The following AGBL1 variants were observed in gnomAD, a reference collection of about 807,000 sequenced individuals.
AGBL1 encodes cytosolic carboxypeptidase 4.
Under a neutral mutation model 118.9 loss-of-function variants are expected in AGBL1, and 130 were observed. The observed-to-expected ratio is 1.09, with a 90% CI of 0.95 to 1.26. The LOEUF (loss-of-function observed/expected upper bound fraction) is 1.26, where lower values mean the gene tolerates loss of function less well. AGBL1 is among the 50% of genes most tolerant of loss of function. The pLI is 0.00. For missense variants in AGBL1, 1,584 were observed against 1,298.1 expected, an observed-to-expected ratio of 1.22 and a Z score of -3.38; for synonymous variants, 555 against 478.9, an observed-to-expected ratio of 1.16 and a Z score of -2.08.
chr15:86,333,530 A>G (rs1490464066), intron 17 of AGBL1, among the ~76,000 whole-genome samples: 3 of 152,174 alleles, frequency 2.0e-5, no homozygotes, highest in Non-Finnish European at 4.4e-5. Context: ...CCAAAAATTA[A>G]TCAGTAATGA....
chr15:86,617,715 C>T (rs992174523), intron 21 of AGBL1, among the ~76,000 whole-genome samples: 1 of 151,112 alleles, frequency 6.6e-6, no homozygotes. Flanking sequence ...TTTCATAGAT[C>T]AGAAATGGTT....
rs537604072 is a variant in AGBL1 at position 86,604,704 on chromosome 15, G to C, written c.2994+50167G>C. Among the ~76,000 whole-genome samples the C allele has an allele frequency of 4.6e-5, 7 of 151,888 alleles. No individual in the cohort carries two copies. The South Asian group carries it at 1.5e-3, about 32-fold the overall frequency. ...TTAGTAGTTGGATAGGCAGGTGAATGAGCCCAATAATTAAAATTATATATA... is the reference window on the plus strand; with the variant it reads ...TTAGTAGTTGGATAGGCAGGTGAATCAGCCCAATAATTAAAATTATATATA... On this transcript the variant is annotated intron_variant, in intron 21 of 22. Coordinates refer to ENST00000614907, the MANE Select transcript of AGBL1 (RefSeq NM_001386094.1).
chr15:86,247,641 G>C, intron 6 of AGBL1, 30 bp from the exon 7 acceptor site: 1 of 1,567,142 alleles, frequency 6.4e-7, no homozygotes, highest in Non-Finnish European at 8.7e-7. Context: ...GAGAGCCTGT[G>C]ACTGACCCTG....
intron 18 of AGBL1, among the ~76,000 whole-genome samples, chr15:86,455,516 C>T (rs751006124): frequency 1.3e-5 from 2 of 151,874 alleles, no homozygotes; most frequent in African/African-American, 2.4e-5. Flanking sequence ...AAATCATATG[C>T]CTGTATTGGC....
chr15:86,247,242 G>T (rs1157735027), intron 6 of AGBL1, among the ~76,000 whole-genome samples: 1 of 152,170 alleles, frequency 6.6e-6, no homozygotes, highest in African/African-American at 2.4e-5. Context: ...TACTTATTAT[G>T]CTGACTTGTC....
At chr15:86,087,101 C>T (rs962095343) in intron 1 of AGBL1, among the ~76,000 whole-genome samples, 19 of 152,228 alleles carry the variant, frequency 1.2e-4, no homozygotes, top group Middle Eastern at 3.4e-3. Flanking sequence ...CATTAGCTAG[C>T]GAAAGCACTG....
intron 24 of AGBL1, among the ~76,000 whole-genome samples, chr15:87,017,878 A>T (rs1384294939): frequency 6.6e-6 from 1 of 152,108 alleles, no homozygotes; most frequent in Non-Finnish European, 1.5e-5. Context: ...TTGTAACCCA[A>T]TGCAGAGAAG....
chr15:86,428,092 T>C (rs1313223583), intron 18 of AGBL1, among the ~76,000 whole-genome samples: 1 of 152,226 alleles, frequency 6.6e-6, no homozygotes, highest in Non-Finnish European at 1.5e-5. Flanking sequence ...TAGACCAGCA[T>C]GCTTTTCAAT....
intron 5 of AGBL1, among the ~76,000 whole-genome samples, chr15:86,213,790 C>G (rs2078140637): frequency 6.6e-6 from 1 of 151,926 alleles, no homozygotes; most frequent in African/African-American, 2.4e-5. Context: ...CCGTTTAAAA[C>G]CTTTTAAAGT....
intron 1 of AGBL1, among the ~76,000 whole-genome samples, chr15:86,139,439 T>C (rs559126382): frequency 1.6e-4 from 24 of 152,324 alleles, no homozygotes; most frequent in African/African-American, 4.3e-4. Context: ...GGGAAGTCTT[T>C]CCATCAGAAC....
chr15:86,995,115 C>G (rs2081368393), intron 24 of AGBL1, among the ~76,000 whole-genome samples: 2 of 152,120 alleles, frequency 1.3e-5, no homozygotes, highest in Non-Finnish European at 2.9e-5. Flanking sequence ...GGGCTGGGCA[C>G]AGTGGCTCAC....
chr15:86,366,852 A>C (rs1052647027), intron 17 of AGBL1, among the ~76,000 whole-genome samples: 2 of 152,190 alleles, frequency 1.3e-5, no homozygotes, highest in African/African-American at 4.8e-5. Context: ...TGTGTAAAAT[A>C]AGATGAGGCT....
rs796448273 is a variant in AGBL1 at position 87,014,789 on chromosome 15, G to GTCTA, written c.3324-14032_3324-14029dup. ...CAAGGAGGCCTGCTCTGAATACTAT[G>GTCTA]TCTATCTCCCTACTTGCCCTCCATT... is the stretch of plus-strand genomic sequence containing the variant. On this transcript the variant is annotated intron_variant, in intron 24 of 24. Coordinates refer to the AGBL1 transcript ENST00000441037. Among the ~76,000 whole-genome samples, 183 of 152,226 alleles carry GTCTA rather than the reference G, an allele frequency of 1.2e-3. 1 individual carries two copies. The highest frequency in any genetic ancestry group is 4.1e-3 in the African/African-American group (172 of 41,524).
intron 18 of AGBL1, among the ~76,000 whole-genome samples, chr15:86,431,653 G>A (rs2081937144): frequency 6.6e-6 from 1 of 152,176 alleles, no homozygotes; most frequent in South Asian, 2.1e-4. Flanking sequence ...GAGTTATTAT[G>A]CAATGTCTGG....
chr15:86,990,566 C>A (rs961623090), intron 24 of AGBL1, among the ~76,000 whole-genome samples: 1 of 152,092 alleles, frequency 6.6e-6, no homozygotes, highest in Admixed American at 6.6e-5. Flanking sequence ...AATATCCATA[C>A]TGACAGCAAA....
intron 17 of AGBL1, among the ~76,000 whole-genome samples, chr15:86,320,550 T>C (rs980480362): frequency 2.0e-5 from 3 of 151,064 alleles, no homozygotes; most frequent in Non-Finnish European, 4.4e-5. Context: ...AACTGACAAG[T>C]TTTTTTTTCC....
At chr15:86,706,459 A>G (rs1301754675) in intron 22 of AGBL1, among the ~76,000 whole-genome samples, 1 of 152,106 alleles carries the variant, frequency 6.6e-6, no homozygotes, top group African/African-American at 2.4e-5. Flanking sequence ...TGATTATAGC[A>G]CTTAATTATG....
chr15:87,020,483 T>A (rs2081653677), intron 24 of AGBL1, among the ~76,000 whole-genome samples: 1 of 152,060 alleles, frequency 6.6e-6, no homozygotes, highest in African/African-American at 2.4e-5. Flanking sequence ...TTCAACACAG[T>A]ATTGGATGTT....
chr15:86,602,318 C>G (rs955997990), intron 21 of AGBL1, among the ~76,000 whole-genome samples: 2 of 152,144 alleles, frequency 1.3e-5, no homozygotes, highest in Non-Finnish European at 2.9e-5. Context: ...ACGTGAAGTG[C>G]TCAGCACAAC....
Sources: allele counts gnomAD v4.1 joint callset (sites outside exome capture counted in the v4.1 genomes callset), GRCh38; gene constraint gnomAD v4.1.1; transcripts MANE v1.5; gene names NCBI Gene and HGNC (gene_info 2026-07-23, HGNC 2026-07-21).